Variants in CHD5 observed in about 807,000 individuals in gnomAD.
The protein encoded by CHD5 is chromodomain helicase DNA binding protein 5, also known as ATP-dependent chromatin remodeler CHD5.
A neutral mutation model predicts 230.3 loss-of-function variants in CHD5; 69 were observed. The ratio of observed to expected loss-of-function variants is 0.30; its 90% CI spans 0.25 to 0.37. The LOEUF (loss-of-function observed/expected upper bound fraction) is 0.37. CHD5 is among the 10% of genes least tolerant of loss of function. CHD5 has a pLI of 1.00. For missense variants in CHD5, 1,827 were observed against 2,622.8 expected (o/e 0.70, Z 6.63); for synonymous variants, 1,064 against 1,065.9 (o/e 1.00, Z 0.03).
rs1414018919 is a variant in CHD5 at position 6,167,243 on chromosome 1, G to A, written c.207+907C>T. On this transcript the variant is annotated intron_variant, in intron 2 of 41. Transcript: ENST00000262450. The surrounding 1 kb of genome is among the most constrained non-coding windows in gnomAD (Gnocchi z 4.5). ...ACACTCCTGGCAGCGGTGGCTGGTG[G>A]AGCTGACAGCCCTGGATTCAGATCT... Among the ~76,000 whole-genome samples, 1 of 152,182 alleles carries A rather than the reference G, an allele frequency of 6.6e-6. No homozygotes were observed. Among genetic ancestry groups the A allele is most frequent in the Non-Finnish European group, 1.5e-5 (1 of 68,036 alleles).
rs1557532563 is a variant in CHD5 at position 6,105,340 on chromosome 1, CCT to C, written c.*132_*133del. Reference sequence around the variant, plus strand: ...CCATGTGATGGCATTACTAGGTTTCCCTTTTTGTCCCAAGGTGGCGCTGGCTC... The same window carrying C: ...CCATGTGATGGCATTACTAGGTTTCCTTTTGTCCCAAGGTGGCGCTGGCTC... On this transcript the variant is annotated 3_prime_UTR_variant, in exon 42 of 42. Coordinates refer to ENST00000262450, the MANE Select transcript of CHD5 (RefSeq NM_015557.3). This position sits in a 1 kb window ranked among gnomAD's most constrained non-coding sequence, Gnocchi z 4.8. 3 of 467,506 alleles carry C rather than the reference CCT, an allele frequency of 6.4e-6. No homozygotes were observed. In the Admixed American group the frequency reaches 7.2e-5, roughly 11 times the overall value. 29.0% of individuals were successfully genotyped at this position (467,506 alleles called of 1,614,324 possible).
At chr1:6,108,447 A>G (rs1666232021) in intron 38 of CHD5, among the ~76,000 whole-genome samples, 1 of 127,334 alleles carries the variant, frequency 7.9e-6, no homozygotes, top group African/African-American at 3.0e-5. Flanking sequence ...TGATGGAGAG[A>G]TGGGGGATGG....
At chr1:6,118,897 C>G (rs1348977131) in intron 33 of CHD5, among the ~76,000 whole-genome samples, 1 of 151,864 alleles carries the variant, frequency 6.6e-6, no homozygotes, top group Non-Finnish European at 1.5e-5. Context: ...AGGGTTTCAC[C>G]ATGTCGGCCA....
chr1:6,133,089 T>C (rs1452832610), intron 20 of CHD5, among the ~76,000 whole-genome samples: 1 of 152,130 alleles, frequency 6.6e-6, no homozygotes, highest in African/African-American at 2.4e-5. Flanking sequence ...CTATTTATTG[T>C]TTTGGGGGAT....
intron 1 of CHD5, among the ~76,000 whole-genome samples, chr1:6,168,961 G>A (rs550989943): frequency 7.5e-4 from 114 of 151,708 alleles, no homozygotes; most frequent in African/African-American, 2.5e-3. Flanking sequence ...GGAGGTTGCA[G>A]TGAGCTGGGA....
intron 17 of CHD5, 30 bp downstream of exon 17, chr1:6,136,487 C>G: frequency 6.2e-7 from 1 of 1,609,024 alleles, no homozygotes; most frequent in Non-Finnish European, 8.5e-7. Context: ...GCCCCACCAC[C>G]ACCTCCCTAG....
At chr1:6,110,244 G>T in intron 37 of CHD5, 150 bp downstream of exon 37, 3 of 904,238 alleles carry the variant, frequency 3.3e-6, no homozygotes, top group Non-Finnish European at 5.0e-6. Context: ...ATCCACCACT[G>T]TTAGTTGATG....
chr1:6,158,181 G>A (rs1301503409), intron 3 of CHD5, among the ~76,000 whole-genome samples: 2 of 152,176 alleles, frequency 1.3e-5, no homozygotes, highest in African/African-American at 4.8e-5. Context: ...GCCCCAGGGT[G>A]CAGCCTCTGA....
chr1:6,152,029 C>A (rs544093442), intron 6 of CHD5, among the ~76,000 whole-genome samples: 1 of 152,082 alleles, frequency 6.6e-6, no homozygotes, highest in South Asian at 2.1e-4. Flanking sequence ...AACTACTCCC[C>A]CCGAGAGCAG....
intron 1 of CHD5, among the ~76,000 whole-genome samples, chr1:6,176,252 G>C (rs948383409): frequency 1.3e-5 from 2 of 152,128 alleles, no homozygotes; most frequent in African/African-American, 4.8e-5. Context: ...GGCCTTTTGG[G>C]AATCATGACT....
chr1:6,172,756 C>T (rs1667358896), intron 1 of CHD5, among the ~76,000 whole-genome samples: 1 of 152,150 alleles, frequency 6.6e-6, no homozygotes, highest in South Asian at 2.1e-4. Flanking sequence ...ACAGGTCCCT[C>T]AAGGGGGTCA....
intron 17 of CHD5, 106 bp from the exon 18 acceptor site, chr1:6,135,509 A>T: frequency 1.0e-6 from 1 of 989,960 alleles, no homozygotes; most frequent in Non-Finnish European, 1.5e-6. Flanking sequence ...TGAACCAGGG[A>T]GCCCTGGCAT....
Position 6,130,042 on chromosome 1 carries a change from C to T in CHD5, c.3387+162G>A. ...GGGATGGGGGCCAAGCTTCCACTCA[C>T]TCCCAGAGCCCCTCTTGGGGCCGAG... On this transcript the variant is annotated intron_variant, in intron 22 of 41. Transcript: ENST00000262450. The surrounding 1 kb of genome is among the most constrained non-coding windows in gnomAD (Gnocchi z 4.9). The T allele has an allele frequency of 2.6e-6, 2 of 783,570 alleles. No individual in the cohort carries two copies. Among genetic ancestry groups the T allele is most frequent in the Non-Finnish European group, 4.2e-6 (2 of 478,186 alleles). The allele number at this position is 783,570 out of a possible 1,614,324, so 48.5% of individuals were successfully genotyped here.
intron 36 of CHD5, among the ~76,000 whole-genome samples, chr1:6,111,181 G>A (rs1223281948): frequency 6.7e-6 from 1 of 149,750 alleles, no homozygotes; most frequent in African/African-American, 2.5e-5. Context: ...AGTGAGCTGA[G>A]ATCGCACCAC....
chr1:6,136,033 A>C (rs57972663), intron 17 of CHD5, among the ~76,000 whole-genome samples: 63,975 of 151,552 alleles, frequency 0.42, 14,345 homozygotes, highest in East Asian at 0.81. Flanking sequence ...ACAACAAAAA[A>C]AAAAAACACT....
chr1:6,124,873 G>A (rs12089392), intron 29 of CHD5, among the ~76,000 whole-genome samples: 4,109 of 152,326 alleles, frequency 0.027, 177 homozygotes, highest in African/African-American at 0.093. Flanking sequence ...GATCTTCCTC[G>A]CTGCCATAAC....
rs1064283 is a variant in CHD5 at position 6,102,633 on chromosome 1, G to A, written c.*2841C>T. The A allele has an allele frequency of 6.6e-6, 1 of 152,286 alleles. No homozygotes were observed. The highest frequency in any genetic ancestry group is 1.9e-4 in the East Asian group (1 of 5,200). 9.4% of individuals were successfully genotyped at this position (152,286 alleles called of 1,614,324 possible). ...GGGATGACAGGAGTGAGGGCTGCAG[G>A]TGTCACCGGGCCAAGGCTTGGTCAG... On this transcript the variant is annotated 3_prime_UTR_variant, in exon 42 of 42. Transcript: ENST00000262450.
In CHD5 at chr1:6,102,276, A is replaced by G. The variant is rs1003970681; in HGVS notation, c.*3198T>C. ...TAAAAAAAAAATCTGAAAATTAAAG[A>G]AAAAAAAAACACAACGCCAGTGAGT... On this transcript the variant is annotated 3_prime_UTR_variant, in exon 42 of 42. Coordinates refer to ENST00000262450, the MANE Select transcript of CHD5 (RefSeq NM_015557.3). 1 of 151,488 alleles carries G rather than the reference A, an allele frequency of 6.6e-6. No homozygotes were observed. Among genetic ancestry groups the G allele is most frequent in the African/African-American group, 2.5e-5 (1 of 40,534 alleles). 9.4% of individuals were successfully genotyped at this position (151,488 alleles called of 1,614,324 possible).
intron 33 of CHD5, among the ~76,000 whole-genome samples, chr1:6,120,550 TC>T (rs1446905283): frequency 6.7e-6 from 1 of 148,180 alleles, no homozygotes; most frequent in African/African-American, 2.5e-5. Context: ...ACACCTGTAA[TC>T]CCAGCACTTT....
Sources: allele counts gnomAD v4.1 joint callset (sites outside exome capture counted in the v4.1 genomes callset), GRCh38; gene constraint gnomAD v4.1.1; non-coding constraint Gnocchi (gnomAD v3.1); transcripts MANE v1.5; gene names NCBI Gene and HGNC (gene_info 2026-07-23, HGNC 2026-07-21).